Variants in UBE4A observed in about 807,000 individuals in gnomAD.
UBE4A encodes the protein ubiquitin conjugation factor E4 A.
In UBE4A, 48 loss-of-function variants were observed where a neutral mutation model predicts 117.9. That is an observed-to-expected ratio of 0.41 (90% CI 0.32 to 0.52). The LOEUF (loss-of-function observed/expected upper bound fraction) is 0.52, where lower values mean the gene tolerates loss of function less well. UBE4A is among the 20% of genes least tolerant of loss of function. UBE4A has a pLI of 0.33. For synonymous variants in UBE4A, 407 were observed against 450.0 expected, an observed-to-expected ratio of 0.90 and a Z score of 1.21; for missense variants, 1,067 against 1,296.3, an observed-to-expected ratio of 0.82 and a Z score of 2.72.
Position 118,382,790 on chromosome 11 carries a change from G to A in UBE4A, c.2197+14G>A. On this transcript the variant is annotated intron_variant, in intron 13 of 19. Coordinates refer to ENST00000252108, the MANE Select transcript of UBE4A (RefSeq NM_001204077.2). ...TCGAATTTACAGGTAAAGCAGTCATGAAGCTGAGCCCAGAACTGGGAAGCT... is the reference window on the plus strand; with the variant it reads ...TCGAATTTACAGGTAAAGCAGTCATAAAGCTGAGCCCAGAACTGGGAAGCT... The A allele has an allele frequency of 6.4e-7, 1 of 1,552,766 alleles. No homozygotes were observed. The highest frequency in any genetic ancestry group is 1.7e-4 in the Middle Eastern group (1 of 5,876).
At chr11:118,370,296 A>G (rs922211367) in intron 4 of UBE4A, among the ~76,000 whole-genome samples, 5 of 152,020 alleles carry the variant, frequency 3.3e-5, no homozygotes, top group Non-Finnish European at 7.4e-5. Flanking sequence ...TCTTCTTTAT[A>G]TCCTTTCTAT....
chr11:118,389,377 G>GT (rs1555127805), intron 16 of UBE4A, among the ~76,000 whole-genome samples: 6 of 152,168 alleles, frequency 3.9e-5, no homozygotes, highest in Non-Finnish European at 7.3e-5. Context: ...AAAACAGTAA[G>GT]TTTCAGAATA....
Position 118,359,611 on chromosome 11 carries a change from G to A in UBE4A, c.-105G>A, listed in dbSNP as rs531396. 1 of 152,254 alleles carries A rather than the reference G, an allele frequency of 6.6e-6. No individual in the cohort carries two copies. The highest frequency in any genetic ancestry group is 1.5e-5 in the Non-Finnish European group (1 of 68,070). The allele number at this position is 152,254 out of a possible 1,614,324, so 9.4% of individuals were successfully genotyped here. On this transcript the variant is annotated 5_prime_UTR_variant, in exon 1 of 20. Coordinates refer to ENST00000252108, the MANE Select transcript of UBE4A (RefSeq NM_001204077.2). ...AACTTCCGGTTGCTGTGCTGAGTCG[G>A]AAGTGGGAACCCTTCGGCCGCTGAG...
At chr11:118,381,618 G>A in intron 12 of UBE4A, 95 bp downstream of exon 12, 1 of 1,505,432 alleles carries the variant, frequency 6.6e-7, no homozygotes, top group Non-Finnish European at 8.9e-7. Context: ...AATCATAAGG[G>A]GTTGCCTTCA....
chr11:118,376,452 C>G, intron 9 of UBE4A, 122 bp from the exon 10 acceptor site: 7 of 1,347,340 alleles, frequency 5.2e-6, no homozygotes, highest in Non-Finnish European at 7.0e-6. Flanking sequence ...AGACAAAGAA[C>G]TAATATGACA....
At chr11:118,368,399 A>G (rs934968739) in intron 2 of UBE4A, among the ~76,000 whole-genome samples, 2 of 152,232 alleles carry the variant, frequency 1.3e-5, no homozygotes, top group Non-Finnish European at 2.9e-5. Flanking sequence ...AGTGTGGAGT[A>G]TAATTATGGA....
intron 2 of UBE4A, among the ~76,000 whole-genome samples, chr11:118,365,421 A>G (rs887024491): frequency 5.9e-5 from 9 of 152,200 alleles, no homozygotes; most frequent in Admixed American, 5.9e-4. Context: ...TCCACTGTAC[A>G]AAAAGAGACC....
intron 16 of UBE4A, 136 bp from the exon 17 acceptor site, chr11:118,389,589 T>G (rs1428224259): frequency 2.3e-6 from 2 of 885,816 alleles, no homozygotes; most frequent in Admixed American, 3.8e-5. Context: ...TTACTTAGTT[T>G]TTTAAAAAAG....
intron 5 of UBE4A, among the ~76,000 whole-genome samples, chr11:118,372,068 T>C (rs1344035710): frequency 6.6e-6 from 1 of 152,190 alleles, no homozygotes; most frequent in Admixed American, 6.5e-5. Flanking sequence ...GAGACCAGCC[T>C]GGCCAACATG....
intron 18 of UBE4A, among the ~76,000 whole-genome samples, chr11:118,391,362 GC>G (rs1948814659): frequency 1.3e-5 from 2 of 150,292 alleles, no homozygotes; most frequent in African/African-American, 4.9e-5. Context: ...GGTGGCAGGC[GC>G]CTGTAATCCC....
At chr11:118,359,766 C>G (rs1417160998) in intron 1 of UBE4A, 92 bp downstream of exon 1, 1 of 152,392 alleles carries the variant, frequency 6.6e-6, no homozygotes, top group Non-Finnish European at 1.5e-5. Context: ...CCTGTTCACT[C>G]TTATCTTCTC....
chr11:118,359,850 C>A (rs540809191), intron 1 of UBE4A, among the ~76,000 whole-genome samples, 176 bp downstream of exon 1: 4 of 152,168 alleles, frequency 2.6e-5, no homozygotes, highest in African/African-American at 4.8e-5. Context: ...TGATTTGGAA[C>A]CCCTTACAGT....
chr11:118,382,160 A>G (rs1432138931), intron 12 of UBE4A, among the ~76,000 whole-genome samples: 1 of 152,226 alleles, frequency 6.6e-6, no homozygotes, highest in Non-Finnish European at 1.5e-5. Flanking sequence ...GAGAAGTCAT[A>G]AGTCAACAAG....
rs782054901 is a variant in UBE4A, at chr11:118,386,514, G to A, written c.2489G>A (p.Arg830Gln). ...GATAGTCTGACTCCAGAAGCCCGCC[G>A]AGAAAAGGAGGCTGGCCTACAGATG... Reference protein sequence around the residue: ...EWDSLTPEARREKEAGLQMFG... With the variant: ...EWDSLTPEARQEKEAGLQMFG... The change falls in exon 16 of 20, where the codon CGA becomes CAA. Residue 830 changes from arginine (R) to glutamine (Q), a missense_variant. This residue lies in a region of UBE4A where 1,001 missense variants were observed against 1,184.0 expected (regional missense o/e 0.85). Coordinates refer to ENST00000252108, the MANE Select transcript of UBE4A (RefSeq NM_001204077.2). 33 of 1,608,142 alleles carry A rather than the reference G, an allele frequency of 2.1e-5. No individual in the cohort carries two copies. The highest frequency in any genetic ancestry group is 2.3e-5 in the Non-Finnish European group (27 of 1,178,284).
At chr11:118,376,549 CTTTT>C (rs201730995) in intron 9 of UBE4A, 21 bp from the exon 10 acceptor site, 2 of 1,374,820 alleles carry the variant, frequency 1.5e-6, no homozygotes, top group South Asian at 2.6e-5. Flanking sequence ...CATTTACCCT[CTTTT>C]TTTTTTTTAA....
intron 6 of UBE4A, 32 bp from the exon 7 acceptor site, chr11:118,373,054 C>T (rs1345679388): frequency 1.3e-6 from 2 of 1,599,940 alleles, no homozygotes; most frequent in East Asian, 2.2e-5. Flanking sequence ...AATTCTTGTG[C>T]CCTCCTTTCT....
chr11:118,396,206 T>A, intron 19 of UBE4A, 108 bp from the exon 20 acceptor site: 1 of 1,397,756 alleles, frequency 7.2e-7, no homozygotes, highest in Non-Finnish European at 9.5e-7. Context: ...AAAGTTATAA[T>A]GCACTCTGGC....
chr11:118,392,673 C>T lies in UBE4A; in HGVS notation c.2917-65C>T. The T allele has an allele frequency of 9.3e-6, 14 of 1,512,824 alleles. No individual in the cohort carries two copies. The South Asian group carries it at 1.6e-4, about 17-fold the overall frequency. 93.7% of individuals were successfully genotyped at this position (1,512,824 alleles called of 1,614,324 possible). On this transcript the variant is annotated intron_variant, in intron 18 of 19. Coordinates refer to ENST00000252108, the MANE Select transcript of UBE4A (RefSeq NM_001204077.2). ...TTTTTGAGATGGAGTCTTGCTCTGT[C>T]ATTGAGCACGCTGAATTCAGCTACA...
intron 6 of UBE4A, 135 bp downstream of exon 6, chr11:118,372,801 T>G: frequency 7.7e-7 from 1 of 1,305,928 alleles, no homozygotes; most frequent in Non-Finnish European, 1.1e-6. Context: ...ATCTTGATCT[T>G]TGAGGTTGAG....
Sources: allele counts gnomAD v4.1 joint callset (sites outside exome capture counted in the v4.1 genomes callset), GRCh38; gene constraint gnomAD v4.1.1; regional missense constraint gnomAD v4.1.1; transcripts MANE v1.5; gene names NCBI Gene and HGNC (gene_info 2026-07-23, HGNC 2026-07-21).